TOMM70: variants seen among roughly 807,000 people sequenced by gnomAD.
TOMM70 encodes the protein mitochondrial import receptor subunit TOM70.
TOMM70 carries 13 observed loss-of-function variants against 73.6 expected under a neutral mutation model. The observed-to-expected ratio is 0.18, with a 90% CI of 0.11 to 0.28. The LOEUF is 0.28. Among genes scored for constraint, TOMM70 ranks in the 10% least tolerant of loss-of-function variants. The pLI, the probability that TOMM70 is intolerant of heterozygous loss-of-function variation, is 1.00. For missense variants in TOMM70, 609 were observed against 747.5 expected, an observed-to-expected ratio of 0.81 and a Z score of 2.16; for synonymous variants, 257 against 271.2, an observed-to-expected ratio of 0.95 and a Z score of 0.51.
intron 10 of TOMM70, 105 bp from the exon 11 acceptor site, chr3:100,368,271 A>G: frequency 7.8e-7 from 1 of 1,288,344 alleles, no homozygotes; most frequent in South Asian, 1.5e-5. Context: ...TTATAAGTTA[A>G]CTTATAACTT....
At chr3:100,378,050 G>C (rs561472010) in intron 5 of TOMM70, 138 bp from the exon 6 acceptor site, 82 of 645,472 alleles carry the variant, frequency 1.3e-4, no homozygotes, top group African/African-American at 1.1e-3. Context: ...TTCGAGACCA[G>C]CCTGGCCAAC....
At chr3:100,367,476 T>C (rs1316015385) in intron 11 of TOMM70, among the ~76,000 whole-genome samples, 1 of 152,196 alleles carries the variant, frequency 6.6e-6, no homozygotes, top group African/African-American at 2.4e-5. Flanking sequence ...TGTGCAACCT[T>C]GTAAACCTAA....
chr3:100,366,006 T>G (rs1476795661), intron 11 of TOMM70, among the ~76,000 whole-genome samples: 3 of 152,268 alleles, frequency 2.0e-5, no homozygotes, highest in African/African-American at 7.2e-5. Context: ...ATTCTGTGTT[T>G]ACTGATAAGA....
intron 1 of TOMM70, among the ~76,000 whole-genome samples, chr3:100,390,607 A>C (rs1706747811): frequency 6.6e-6 from 1 of 152,130 alleles, no homozygotes; most frequent in Non-Finnish European, 1.5e-5. Context: ...GCAGTAGATC[A>C]TTTGAGATCA....
At chr3:100,394,222 T>C (rs945784948) in intron 1 of TOMM70, among the ~76,000 whole-genome samples, 1 of 152,236 alleles carries the variant, frequency 6.6e-6, no homozygotes, top group Admixed American at 6.5e-5. Context: ...TCTCTTAAAA[T>C]GGTTTTATTG....
At chr3:100,368,002 T>C in intron 11 of TOMM70, 42 bp downstream of exon 11, 2 of 1,588,876 alleles carry the variant, frequency 1.3e-6, no homozygotes, top group Non-Finnish European at 1.7e-6. Flanking sequence ...GCTAAATATC[T>C]ATGGAGCTAC....
chr3:100,387,005 ACACTAATCAAC>A, intron 1 of TOMM70, 27 bp from the exon 2 acceptor site: 1 of 1,605,508 alleles, frequency 6.2e-7, no homozygotes. Context: ...CAATTATCAA[ACACTAATCAAC>A]ATTCACAGAC....
At position 100,363,723 on chromosome 3, in the gene TOMM70, T is replaced by TAA. The variant is rs1288913617; in HGVS notation, c.*1839_*1840dup. On this transcript the variant is annotated 3_prime_UTR_variant, in exon 12 of 12. Transcript: ENST00000284320. ...ACAGCCATGCAAATAAAAACTTTTTTAAAGTCAGAGGTCATTCAGAGATGT... is the reference window on the plus strand; with the variant it reads ...ACAGCCATGCAAATAAAAACTTTTTTAAAAAGTCAGAGGTCATTCAGAGATGT... 6.6e-6 allele frequency: 1 copy of TAA among 152,616 alleles called. No individual in the cohort carries two copies. The highest frequency in any genetic ancestry group is 1.5e-5 in the Non-Finnish European group (1 of 68,042). The allele number at this position is 152,616 out of a possible 1,614,324, so 9.5% of individuals were successfully genotyped here.
At position 100,400,819 on chromosome 3, in the gene TOMM70, G is replaced by A. The variant is rs1175866627; in HGVS notation, c.131C>T (p.Ala44Val). The change falls in exon 1 of 12, where the codon GCG becomes GTG. Residue 44 changes from alanine (A) to valine (V), a missense_variant. Physicochemically the swap from Ala to Val is moderately conservative, Grantham distance 64. Around this residue, in one of 2 missense-constraint regions of TOMM70, gnomAD observed 177 missense variants for 163.5 expected, o/e 1.08. Transcript: ENST00000284320. ...GGLPRWQLAL[A>V]VGAPLLLGAG... ...GCCCAGCAGCAGGGGTGCCCCGACC[G>A]CCAGAGCCAGCTGCCATCGCGGCAG... is the stretch of plus-strand genomic sequence containing the variant. The A allele has an allele frequency of 6.6e-7, 1 of 1,525,298 alleles. No individual in the cohort carries two copies. The highest frequency in any genetic ancestry group is 1.2e-5 in the South Asian group (1 of 83,228). The allele number at this position is 1,525,298 out of a possible 1,614,324, so 94.5% of individuals were successfully genotyped here. A position where few individuals can be genotyped will look rare whatever the true frequency, so the allele number is the denominator to read the frequency against.
At chr3:100,394,328 C>T (rs1706795961) in intron 1 of TOMM70, among the ~76,000 whole-genome samples, 1 of 150,612 alleles carries the variant, frequency 6.6e-6, no homozygotes, top group Admixed American at 6.6e-5. Flanking sequence ...GTATGAGAAA[C>T]AATGTTTCAA....
intron 1 of TOMM70, among the ~76,000 whole-genome samples, chr3:100,395,506 G>GCACTCCA (rs1282070809): frequency 2.2e-5 from 3 of 139,466 alleles, no homozygotes; most frequent in Non-Finnish European, 4.5e-5. Context: ...TTGCACCACT[G>GCACTCCA]CACTCCAGCC....
At chr3:100,387,441 T>C (rs1706704087) in intron 1 of TOMM70, among the ~76,000 whole-genome samples, 1 of 151,962 alleles carries the variant, frequency 6.6e-6, no homozygotes, top group Admixed American at 6.6e-5. Flanking sequence ...ATTGGGACTC[T>C]GTCTCCGCCT....
intron 1 of TOMM70, among the ~76,000 whole-genome samples, chr3:100,396,025 T>C (rs2148895207): frequency 6.6e-6 from 1 of 152,034 alleles, no homozygotes; most frequent in South Asian, 2.1e-4. Context: ...TTTTTTTTTT[T>C]TTTTTTTTAA....
At chr3:100,392,159 A>G (rs1256837755) in intron 1 of TOMM70, among the ~76,000 whole-genome samples, 1 of 152,198 alleles carries the variant, frequency 6.6e-6, no homozygotes, top group Non-Finnish European at 1.5e-5. Context: ...TTGTGTCAGT[A>G]TACTTGATGA....
intron 1 of TOMM70, among the ~76,000 whole-genome samples, chr3:100,396,807 T>C (rs6441243): frequency 0.012 from 1,812 of 152,320 alleles, 37 homozygotes; most frequent in African/African-American, 0.042. Flanking sequence ...TTTTCTTCAG[T>C]GATACCCCAA....
chr3:100,388,286 T>TC lies in TOMM70; in HGVS notation c.325-1309dup, dbSNP rs908235053. Among the ~76,000 whole-genome samples, 19 of 152,256 alleles carry TC rather than the reference T, an allele frequency of 1.2e-4. 1 individual carries two copies. The highest frequency in any genetic ancestry group is 4.1e-4 in the African/African-American group (17 of 41,552). ...AGGAATCCCTTATGTAGTTGTGGGC[T>TC]CTGGGGGGCAATCGTCAGGGTGATT... On this transcript the variant is annotated intron_variant, in intron 1 of 11. Coordinates refer to ENST00000284320, the MANE Select transcript of TOMM70 (RefSeq NM_014820.5).
chr3:100,379,965 T>C (rs1706612358), intron 5 of TOMM70, among the ~76,000 whole-genome samples: 1 of 152,148 alleles, frequency 6.6e-6, no homozygotes, highest in South Asian at 2.1e-4. Flanking sequence ...CAGCCAAAAA[T>C]CTTATAAGCT....
intron 1 of TOMM70, among the ~76,000 whole-genome samples, chr3:100,396,833 AAAC>A (rs1706831605): frequency 6.6e-6 from 1 of 152,206 alleles, no homozygotes; most frequent in Admixed American, 6.5e-5. Context: ...CCATTAATTA[AAAC>A]AACTATGAAT....
At chr3:100,381,177 A>G (rs1381545863) in intron 5 of TOMM70, among the ~76,000 whole-genome samples, 1 of 152,164 alleles carries the variant, frequency 6.6e-6, no homozygotes, top group African/African-American at 2.4e-5. Context: ...CTTCCTAGAC[A>G]AGCAGAAAAA....
Sources: allele counts gnomAD v4.1 joint callset (sites outside exome capture counted in the v4.1 genomes callset), GRCh38; gene constraint gnomAD v4.1.1; regional missense constraint gnomAD v4.1.1; transcripts MANE v1.5; gene names NCBI Gene and HGNC (gene_info 2026-07-23, HGNC 2026-07-21).